Variants in UPK1A observed in about 807,000 individuals in gnomAD.
The protein encoded by UPK1A is uroplakin 1A.
Under a neutral mutation model 32.3 loss-of-function variants are expected in UPK1A, and 31 were observed. The observed-to-expected ratio is 0.96, with a 90% confidence interval of 0.72 to 1.30. UPK1A has a LOEUF of 1.30. Among genes scored for constraint, UPK1A ranks in the 50% most tolerant of loss-of-function variants. UPK1A has a pLI of 0.00. For missense variants in UPK1A, 340 were observed against 357.4 expected (o/e 0.95, Z 0.39); for synonymous variants, 135 against 137.1 (o/e 0.98, Z 0.11).
At chr19:35,671,416 C>G (rs892931980) in intron 3 of UPK1A, among the ~76,000 whole-genome samples, 19 of 148,522 alleles carry the variant, frequency 1.3e-4, no homozygotes, top group African/African-American at 4.5e-4. Flanking sequence ...GTCTGTTTCC[C>G]CATTAGTTTG....
chr19:35,670,674 TTCCC>T (rs750975881), intron 3 of UPK1A, among the ~76,000 whole-genome samples: 25 of 96,056 alleles, frequency 2.6e-4, no homozygotes, highest in East Asian at 4.0e-4. Context: ...CCTTCCTTCT[TTCCC>T]TCCCTCCCTC....
exon 6 of UPK1A, chr19:35,675,870 G>A (rs746683190): frequency 4.3e-6 from 7 of 1,613,734 alleles, no homozygotes; most frequent in Non-Finnish European, 5.9e-6. Flanking sequence ...TGGTCCCATG[G>A]ACTGGGTGAA....
intron 3 of UPK1A, among the ~76,000 whole-genome samples, chr19:35,671,618 T>G (rs112812641): frequency 8.2e-5 from 12 of 147,188 alleles, no homozygotes; most frequent in Non-Finnish European, 1.7e-4. Flanking sequence ...CCACCACGCC[T>G]GGTTAATTTT....
chr19:35,677,875 T>G, exon 7 of UPK1A: 1 of 1,612,116 alleles, frequency 6.2e-7, no homozygotes, highest in Non-Finnish European at 8.5e-7. Context: ...GTGGTTTGGG[T>G]TTGCCATCCT....
At chr19:35,675,747 A>C (rs1164784177) in intron 5 of UPK1A, 93 bp from the exon 6 acceptor site, 4 of 1,448,018 alleles carry the variant, frequency 2.8e-6, no homozygotes, top group Non-Finnish European at 3.7e-6. Flanking sequence ...GCTGTGTCAA[A>C]GGCCAATCCT....
exon 8 of UPK1A, chr19:35,678,194 G>A: frequency 1.3e-6 from 1 of 783,622 alleles, no homozygotes; most frequent in African/African-American, 1.8e-5. Context: ...TGTCTCAGGT[G>A]TGCCCTGAAA....
At chr19:35,673,123 A>G (rs1968126646) in intron 3 of UPK1A, 109 bp from the exon 4 acceptor site, 6 of 1,057,554 alleles carry the variant, frequency 5.7e-6, no homozygotes, top group Non-Finnish European at 7.2e-6. Context: ...GCTGCTAGTC[A>G]CACTGCCCCA....
At chr19:35,673,195 C>A in intron 3 of UPK1A, 37 bp from the exon 4 acceptor site, 1 of 1,607,798 alleles carries the variant, frequency 6.2e-7, no homozygotes, top group Non-Finnish European at 8.5e-7. Flanking sequence ...GCTTCACGGG[C>A]TCTGCCCGAC....
At chr19:35,677,498 C>T (rs924536463) in intron 6 of UPK1A, among the ~76,000 whole-genome samples, 41 of 151,730 alleles carry the variant, frequency 2.7e-4, no homozygotes, top group Non-Finnish European at 4.6e-4. Flanking sequence ...TGCACTGTAG[C>T]CTGGGTGACA....
rs772162867 is a variant in UPK1A at position 35,673,216 on chromosome 19, C to T, written c.286-16C>T. The T allele has an allele frequency of 9.9e-6, 16 of 1,613,822 alleles. No homozygotes were observed. Among genetic ancestry groups the T allele is most frequent in the Non-Finnish European group, 8.5e-6 (10 of 1,179,896 alleles). On this transcript the variant is annotated splice_polypyrimidine_tract_variant and intron_variant, in intron 3 of 7. Transcript: ENST00000617999. ...CGGGCTCTGCCCGACGGGCCGTCCT[C>T]CCTCTGTCTCCCCAGTACCTGGTGC... is the stretch of plus-strand genomic sequence containing the variant.
chr19:35,671,971 C>A (rs1968108933), intron 3 of UPK1A, among the ~76,000 whole-genome samples: 2 of 152,186 alleles, frequency 1.3e-5, no homozygotes, highest in Non-Finnish European at 1.5e-5. Flanking sequence ...GCACACATTT[C>A]TCTGAGTGAT....
intron 4 of UPK1A, 27 bp downstream of exon 4, chr19:35,673,333 G>A (rs763256873): frequency 5.6e-6 from 9 of 1,613,600 alleles, no homozygotes; most frequent in Non-Finnish European, 7.6e-6. Context: ...CTGGGGAGGG[G>A]CCTGACCTGC....
intron 5 of UPK1A, 135 bp downstream of exon 5, chr19:35,673,680 G>A: frequency 1.3e-6 from 1 of 751,452 alleles, no homozygotes; most frequent in South Asian, 1.9e-5. Flanking sequence ...GGAGAGCAGG[G>A]CTGCGGTCAT....
intron 5 of UPK1A, among the ~76,000 whole-genome samples, chr19:35,675,099 A>G (rs1370124131): frequency 6.6e-6 from 1 of 151,782 alleles, no homozygotes; most frequent in African/African-American, 2.4e-5. Flanking sequence ...TGAGGCGTCA[A>G]TGTGGCCCAA....
chr19:35,676,196 T>TCTC, intron 6 of UPK1A, 177 bp downstream of exon 6: 1 of 375,110 alleles, frequency 2.7e-6, no homozygotes, highest in East Asian at 6.1e-5. Flanking sequence ...TCTTTCTTTC[T>TCTC]TTTTTTTTTT....
intron 3 of UPK1A, among the ~76,000 whole-genome samples, chr19:35,669,371 A>T (rs1331479582): frequency 6.6e-6 from 1 of 151,988 alleles, no homozygotes; most frequent in African/African-American, 2.4e-5. Flanking sequence ...CAGTTTAGAA[A>T]ATGAGCTTCG....
chr19:35,673,768 G>A (rs1005435998), intron 5 of UPK1A, among the ~76,000 whole-genome samples: 8 of 152,152 alleles, frequency 5.3e-5, no homozygotes, highest in Admixed American at 4.6e-4. Flanking sequence ...TAAGTGGTGG[G>A]AGCTGGGATT....
In UPK1A at chr19:35,676,481, C is replaced by A. The variant is rs7507525; in HGVS notation, c.648+462C>A. 1,903 of 228,982 alleles carry A rather than the reference C, an allele frequency of 8.3e-3. 38 individuals carry two copies. Among genetic ancestry groups the A allele is most frequent in the African/African-American group, 0.043 (1,834 of 42,218 alleles). 14.2% of individuals were successfully genotyped at this position (228,982 alleles called of 1,614,324 possible). On this transcript the variant is annotated intron_variant, in intron 6 of 7. Transcript: ENST00000617999. ...CTCAGATTACAGGCGTGAGCCACCACGCTGGGTCCCCTCTCTGATTTTCTA... is the reference window on the plus strand; with the variant it reads ...CTCAGATTACAGGCGTGAGCCACCAAGCTGGGTCCCCTCTCTGATTTTCTA...
In UPK1A at chr19:35,677,807, C is replaced by T; in HGVS notation, c.649-5C>T. 1 of 1,612,170 alleles carries T rather than the reference C, an allele frequency of 6.2e-7. No homozygotes were observed. The highest frequency in any genetic ancestry group is 2.2e-5 in the East Asian group (1 of 44,876). ...TTCTCAAACTTCCCCCATCCCCCTG[C>T]CCAGGGCTGCTTCGAACACATCGGC... On this transcript the variant is annotated splice_region_variant and splice_polypyrimidine_tract_variant and intron_variant, in intron 6 of 7. Transcript: ENST00000617999.
Sources: allele counts gnomAD v4.1 joint callset (sites outside exome capture counted in the v4.1 genomes callset), GRCh38; gene constraint gnomAD v4.1.1; transcripts MANE v1.5; gene names NCBI Gene and HGNC (gene_info 2026-07-23, HGNC 2026-07-21).